The following RBFOX1 variants were observed in gnomAD, a reference collection of about 807,000 sequenced individuals.
The protein encoded by RBFOX1 is RNA binding protein fox-1 homolog 1.
Under a neutral mutation model 57.7 loss-of-function variants are expected in RBFOX1, and 8 were observed. The observed-to-expected ratio is 0.14, with a 90% CI of 0.08 to 0.25. The LOEUF is 0.25. RBFOX1 is among the 10% of genes least tolerant of loss of function. The pLI is 1.00. For missense variants in RBFOX1, 611 were observed against 548.5 expected, an observed-to-expected ratio of 1.11 and a Z score of -1.14; for synonymous variants, 326 against 222.4, an observed-to-expected ratio of 1.47 and a Z score of -4.15.
chr16:5,371,361 C>T (rs1224635360), intron 1 of RBFOX1, among the ~76,000 whole-genome samples: 1 of 152,136 alleles, frequency 6.6e-6, no homozygotes. Flanking sequence ...CAGAGTGATG[C>T]CAGGGATGCC....
At chr16:7,187,993 T>G (rs1221304382) in intron 4 of RBFOX1, among the ~76,000 whole-genome samples, 2 of 152,212 alleles carry the variant, frequency 1.3e-5, no homozygotes, top group Non-Finnish European at 2.9e-5. Flanking sequence ...TGTATCTGAC[T>G]GTGTGCTAGC....
intron 4 of RBFOX1, among the ~76,000 whole-genome samples, chr16:7,308,256 G>T (rs186631785): frequency 6.7e-6 from 1 of 148,548 alleles, no homozygotes; most frequent in African/African-American, 2.5e-5. Context: ...GATGAGATTC[G>T]TTTTCTGATG....
chr16:5,446,347 A>G (rs568638598), intron 1 of RBFOX1, among the ~76,000 whole-genome samples: 1 of 152,324 alleles, frequency 6.6e-6, no homozygotes, highest in Admixed American at 6.5e-5. Flanking sequence ...GGAAGATGGT[A>G]GACAGTATAG....
At chr16:7,153,045 T>G (rs2076395341) in intron 4 of RBFOX1, among the ~76,000 whole-genome samples, 1 of 152,232 alleles carries the variant, frequency 6.6e-6, no homozygotes, top group Non-Finnish European at 1.5e-5. Flanking sequence ...TGTCATTTGG[T>G]TAATTATGTA....
chr16:6,774,450 A>C (rs1288776279), intron 3 of RBFOX1, among the ~76,000 whole-genome samples: 1 of 152,178 alleles, frequency 6.6e-6, no homozygotes, highest in Non-Finnish European at 1.5e-5. Flanking sequence ...GAAGCAAATT[A>C]AATATCAACA....
chr16:6,949,323 C>T (rs1375393793), intron 3 of RBFOX1, among the ~76,000 whole-genome samples: 1 of 152,202 alleles, frequency 6.6e-6, no homozygotes, highest in African/African-American at 2.4e-5. Flanking sequence ...AGTTTTCAAT[C>T]TTCGCTCACC....
At chr16:7,188,006 T>C (rs1418316469) in intron 4 of RBFOX1, among the ~76,000 whole-genome samples, 3 of 152,204 alleles carry the variant, frequency 2.0e-5, no homozygotes, top group Non-Finnish European at 2.9e-5. Flanking sequence ...GTGCTAGCCA[T>C]AGTTATCTCT....
chr16:5,617,123 C>G (rs2048052367), intron 3 of RBFOX1, among the ~76,000 whole-genome samples: 1 of 151,870 alleles, frequency 6.6e-6, no homozygotes, highest in African/African-American at 2.4e-5. Flanking sequence ...CCGTCCGTCC[C>G]TCCCTCCCTC....
At chr16:6,127,180 A>G (rs1195256188) in intron 1 of RBFOX1, among the ~76,000 whole-genome samples, 1 of 152,118 alleles carries the variant, frequency 6.6e-6, no homozygotes, top group Non-Finnish European at 1.5e-5. Flanking sequence ...GAATGGAGTA[A>G]GAGGGTAATG....
intron 6 of RBFOX1, among the ~76,000 whole-genome samples, chr16:7,582,904 C>A (rs1223186702): frequency 6.6e-6 from 1 of 152,212 alleles, no homozygotes; most frequent in Non-Finnish European, 1.5e-5. Flanking sequence ...CTTCTTCAAA[C>A]TGCCTAAAAC....
At chr16:5,972,217 C>G (rs1019093203) in intron 4 of RBFOX1, among the ~76,000 whole-genome samples, 1 of 152,058 alleles carries the variant, frequency 6.6e-6, no homozygotes, top group Non-Finnish European at 1.5e-5. Context: ...ACACACACAC[C>G]CTCCCTCCCT....
intron 1 of RBFOX1, among the ~76,000 whole-genome samples, chr16:6,285,920 A>G (rs1428554437): frequency 6.6e-6 from 1 of 152,172 alleles, no homozygotes; most frequent in Non-Finnish European, 1.5e-5. Context: ...ATAATTAAAT[A>G]AATTGAGGCT....
chr16:7,591,901 C>A (rs1307680439), intron 7 of RBFOX1, among the ~76,000 whole-genome samples: 2 of 152,182 alleles, frequency 1.3e-5, no homozygotes, highest in Non-Finnish European at 1.5e-5. Context: ...AACCTTAGCA[C>A]CCGCTCTCAA....
intron 2 of RBFOX1, among the ~76,000 whole-genome samples, chr16:6,428,739 A>G (rs2093997779): frequency 6.6e-6 from 1 of 152,228 alleles, no homozygotes; most frequent in African/African-American, 2.4e-5. Flanking sequence ...CAAAATATAC[A>G]TGCTCATCTA....
At chr16:7,193,600 A>G (rs1399832241) in intron 4 of RBFOX1, among the ~76,000 whole-genome samples, 3 of 152,170 alleles carry the variant, frequency 2.0e-5, no homozygotes, top group Non-Finnish European at 4.4e-5. Context: ...CCTTGATCCA[A>G]TGAGGCAGGT....
intron 2 of RBFOX1, among the ~76,000 whole-genome samples, chr16:6,608,591 T>C (rs2097983813): frequency 6.6e-6 from 1 of 152,122 alleles, no homozygotes; most frequent in Non-Finnish European, 1.5e-5. Context: ...GAGTTTGAGA[T>C]GAGCTTGGGC....
intron 3 of RBFOX1, among the ~76,000 whole-genome samples, chr16:6,734,613 G>C (rs2069600624): frequency 6.6e-6 from 1 of 152,118 alleles, no homozygotes; most frequent in Non-Finnish European, 1.5e-5. Context: ...GTGGGACTAG[G>C]TCTCTATTCC....
chr16:5,378,478 C>T (rs2151386269), intron 1 of RBFOX1, among the ~76,000 whole-genome samples: 1 of 151,644 alleles, frequency 6.6e-6, no homozygotes, highest in South Asian at 2.1e-4. Context: ...TAGGGGCACC[C>T]TAGCAAGGAG....
chr16:6,729,844 G>C (rs1325747241), intron 3 of RBFOX1, among the ~76,000 whole-genome samples: 1 of 152,028 alleles, frequency 6.6e-6, no homozygotes, highest in Non-Finnish European at 1.5e-5. Context: ...AGTATCGTGG[G>C]ACAAATGGAG....
Sources: gnomAD v4.1 joint callset for allele counts (sites outside exome capture counted in the v4.1 genomes callset) on GRCh38, gnomAD v4.1.1 for gene constraint, MANE v1.5 for transcripts, NCBI Gene and HGNC (gene_info 2026-07-23, HGNC 2026-07-21) for gene names.